QTMAN: variants seen among roughly 807,000 people sequenced by gnomAD.
QTMAN encodes the protein queuosine-tRNA mannosyltransferase, also known as tRNA-queuosine alpha-mannosyltransferase.
the QTMAN span, among the ~76,000 whole-genome samples, chr2:144,309,813 T>C: frequency 3.9e-5 from 6 of 152,252 alleles, no homozygotes; most frequent in African/African-American, 1.4e-4. Flanking sequence ...GGAAATAGCA[T>C]CATTCCCCAA....
At chr2:144,079,151 C>A in the QTMAN span, among the ~76,000 whole-genome samples, 2,126 of 152,210 alleles carry the variant, frequency 0.014, 49 homozygotes, top group African/African-American at 0.049. Context: ...CATTTGCAGA[C>A]TGGACAATGA....
the QTMAN span, among the ~76,000 whole-genome samples, chr2:143,978,653 G>A: frequency 1.3e-5 from 2 of 152,156 alleles, no homozygotes; most frequent in Non-Finnish European, 2.9e-5. Context: ...TGTTACTTAA[G>A]CAGCAGTCAC....
At chr2:143,993,070 T>C in the QTMAN span, among the ~76,000 whole-genome samples, 1 of 152,204 alleles carries the variant, frequency 6.6e-6, no homozygotes, top group African/African-American at 2.4e-5. Flanking sequence ...AAAGCCTTGA[T>C]AATGAACATT....
the QTMAN span, among the ~76,000 whole-genome samples, chr2:143,967,277 A>C: frequency 6.6e-6 from 1 of 152,164 alleles, no homozygotes; most frequent in Non-Finnish European, 1.5e-5. Context: ...CCATATCCCT[A>C]CAAATGTTAA....
At chr2:143,963,990 A>T in the QTMAN span, 1 of 152,100 alleles carries the variant, frequency 6.6e-6, no homozygotes, top group Non-Finnish European at 1.5e-5. Flanking sequence ...ACTAAAATGG[A>T]GCTAATATGC....
At chr2:144,280,444 C>T in the QTMAN span, among the ~76,000 whole-genome samples, 1 of 152,100 alleles carries the variant, frequency 6.6e-6, no homozygotes, top group Non-Finnish European at 1.5e-5. Flanking sequence ...TGCAGCCTTC[C>T]ATTAAACAAA....
At chr2:144,308,166 T>C in the QTMAN span, among the ~76,000 whole-genome samples, 3 of 145,604 alleles carry the variant, frequency 2.1e-5, no homozygotes, top group African/African-American at 7.7e-5. Context: ...TTGGTTGTTT[T>C]TTTTTTTTTT....
the QTMAN span, chr2:143,951,982 CT>C: frequency 6.9e-7 from 1 of 1,455,166 alleles, no homozygotes; most frequent in Non-Finnish European, 9.6e-7. Flanking sequence ...CAATAACTAC[CT>C]TATAGAGATG....
the QTMAN span, among the ~76,000 whole-genome samples, chr2:144,004,339 T>C: frequency 1.3e-5 from 2 of 152,194 alleles, no homozygotes; most frequent in East Asian, 3.9e-4. Flanking sequence ...TGGTCAATTA[T>C]ACGATTTCCA....
chr2:144,176,447 G>T, the QTMAN span, among the ~76,000 whole-genome samples: 1 of 151,902 alleles, frequency 6.6e-6, no homozygotes, highest in Non-Finnish European at 1.5e-5. Flanking sequence ...AAGACAAAAA[G>T]TCTATCACCA....
the QTMAN span, among the ~76,000 whole-genome samples, chr2:143,967,995 GGTGACAATAATGGCT>G: frequency 1.3e-5 from 2 of 152,122 alleles, no homozygotes; most frequent in Admixed American, 1.3e-4. Flanking sequence ...AAACTAGAGG[GGTGACAATAATGGCT>G]GAAGTGATAC....
chr2:144,056,081 A>G, the QTMAN span, among the ~76,000 whole-genome samples: 2 of 152,214 alleles, frequency 1.3e-5, no homozygotes, highest in African/African-American at 4.8e-5. Context: ...GACTTCTGAT[A>G]CACAGTGAGC....
chr2:144,155,282 T>C, the QTMAN span, among the ~76,000 whole-genome samples: 1 of 152,152 alleles, frequency 6.6e-6, no homozygotes, highest in Non-Finnish European at 1.5e-5. Context: ...AGATCAGCAA[T>C]GTACAATATC....
At chr2:144,210,347 T>G in the QTMAN span, among the ~76,000 whole-genome samples, 1 of 152,030 alleles carries the variant, frequency 6.6e-6, no homozygotes, top group Non-Finnish European at 1.5e-5. Context: ...AGCAAGAAGG[T>G]ATTTAGCCCA....
chr2:144,237,182 C>T, the QTMAN span: 1 of 152,002 alleles, frequency 6.6e-6, no homozygotes, highest in African/African-American at 2.4e-5. Flanking sequence ...ATTTGTGATA[C>T]ATGATATGAA....
the QTMAN span, among the ~76,000 whole-genome samples, chr2:144,181,161 G>C: frequency 1.1e-4 from 16 of 152,230 alleles, no homozygotes; most frequent in South Asian, 2.9e-3. Context: ...TATTACTGCT[G>C]GAATCTTTAT....
At chr2:144,011,673 T>C in the QTMAN span, 5 of 979,034 alleles carry the variant, frequency 5.1e-6, no homozygotes, top group Non-Finnish European at 6.1e-6. Context: ...AATACCTTAC[T>C]GATGGGGTGA....
chr2:144,232,519 C>G, the QTMAN span, among the ~76,000 whole-genome samples: 6 of 152,070 alleles, frequency 3.9e-5, no homozygotes, highest in Non-Finnish European at 4.4e-5. Context: ...TACACTGTTA[C>G]AAAAATACAT....
the QTMAN span, among the ~76,000 whole-genome samples, chr2:144,127,232 C>A: frequency 6.6e-6 from 1 of 151,906 alleles, no homozygotes; most frequent in Non-Finnish European, 1.5e-5. Context: ...CATAACAGCC[C>A]TCTTCCACAG....
Sources: gnomAD v4.1 joint callset for allele counts (sites outside exome capture counted in the v4.1 genomes callset) on GRCh38, gnomAD v4.1.1 for gene constraint, MANE v1.5 for transcripts, NCBI Gene and HGNC (gene_info 2026-07-23, HGNC 2026-07-21) for gene names.